Variants in SLC10A6 observed in about 807,000 individuals in gnomAD.
SLC10A6 encodes solute carrier family 10 member 6, also known as sodium-dependent organic anion transporter.
SLC10A6 carries 27 observed loss-of-function variants against 30.0 expected under a neutral mutation model. That is an observed-to-expected ratio of 0.90 (90% CI 0.66 to 1.24). The LOEUF (loss-of-function observed/expected upper bound fraction) is 1.24. SLC10A6 is among the 50% of genes most tolerant of loss of function. The probability of loss-of-function intolerance (pLI) is 0.00; values close to 1 mark genes in which losing one functional copy is unlikely to be tolerated. For synonymous variants in SLC10A6, 166 were observed against 173.8 expected (o/e 0.95, Z 0.36); for missense variants, 439 against 457.0 (o/e 0.96, Z 0.36).
chr4:86,833,468 A>G, intron 1 of SLC10A6, 44 bp from the exon 2 acceptor site: 4 of 1,468,388 alleles, frequency 2.7e-6, no homozygotes, highest in Non-Finnish European at 3.8e-6. Flanking sequence ...AGCATTGGAC[A>G]TGAAGAATTT....
intron 3 of SLC10A6, among the ~76,000 whole-genome samples, chr4:86,828,614 A>G (rs1483739437): frequency 1.3e-4 from 19 of 151,808 alleles, no homozygotes; most frequent in Non-Finnish European, 2.9e-5. Flanking sequence ...CGCCCCTTCA[A>G]CCACCAGCAG....
chr4:86,831,749 C>A, intron 3 of SLC10A6, 43 bp downstream of exon 3: 1 of 1,536,796 alleles, frequency 6.5e-7, no homozygotes, highest in East Asian at 2.3e-5. Flanking sequence ...TTTCAGGCCC[C>A]TGAGTCTGAG....
intron 1 of SLC10A6, among the ~76,000 whole-genome samples, chr4:86,838,940 T>C (rs982666901): frequency 6.8e-6 from 1 of 147,680 alleles, no homozygotes; most frequent in Non-Finnish European, 1.5e-5. Context: ...AAAAAAATTA[T>C]GCTCTTCCCA....
chr4:86,830,622 G>A (rs1746062128), intron 3 of SLC10A6, among the ~76,000 whole-genome samples: 1 of 152,142 alleles, frequency 6.6e-6, no homozygotes, highest in South Asian at 2.1e-4. Context: ...TGAAGGAATG[G>A]TGGGAATGGT....
intron 1 of SLC10A6, among the ~76,000 whole-genome samples, chr4:86,846,827 G>A (rs1341263375): frequency 1.3e-5 from 2 of 152,084 alleles, no homozygotes; most frequent in Non-Finnish European, 2.9e-5. Context: ...ACCCCATTTT[G>A]CCAATGATGA....
chr4:86,841,059 A>G (rs1314435294), intron 1 of SLC10A6, among the ~76,000 whole-genome samples: 1 of 152,210 alleles, frequency 6.6e-6, no homozygotes, highest in African/African-American at 2.4e-5. Flanking sequence ...ATAGTGCTAC[A>G]TTCCTTGACT....
rs745525320 is a variant in SLC10A6 at position 86,827,975 on chromosome 4, T to C, written c.761+18A>G. 6 of 1,606,830 alleles carry C rather than the reference T, an allele frequency of 3.7e-6. No homozygotes were observed. In the South Asian group the frequency reaches 6.7e-5, roughly 18 times the overall value. ...AATTTACCTTCCTCAAAAAAGTTTA[T>C]GGATAGTTTAACTATACCTTTGCCA... On this transcript the variant is annotated intron_variant, in intron 4 of 5. Coordinates refer to ENST00000273905, the MANE Select transcript of SLC10A6 (RefSeq NM_197965.3).
rs1031535649 is a variant in SLC10A6, at chr4:86,833,244, A to G, written c.496+62T>C. 1.3e-5 allele frequency: 17 copies of G among 1,276,838 alleles called. No individual in the cohort carries two copies. In the African/African-American group the frequency reaches 2.5e-4, roughly 19 times the overall value. The allele number at this position is 1,276,838 out of a possible 1,614,324, so 79.1% of individuals were successfully genotyped here. The stretch of plus-strand genomic sequence containing the variant: ...TGCATAAAGAGTTATATAATTAAGA[A>G]CAGCTATTATTAGTATCATCACCAT... On this transcript the variant is annotated intron_variant, in intron 2 of 5. Coordinates refer to ENST00000273905, the MANE Select transcript of SLC10A6 (RefSeq NM_197965.3).
chr4:86,831,061 C>A (rs1327714042), intron 3 of SLC10A6, among the ~76,000 whole-genome samples: 1 of 152,174 alleles, frequency 6.6e-6, no homozygotes, highest in African/African-American at 2.4e-5. Context: ...TAGCCTCAAC[C>A]TCCTGGCCTC....
intron 3 of SLC10A6, 140 bp from the exon 4 acceptor site, chr4:86,828,308 C>T (rs1357525214): frequency 8.9e-6 from 8 of 898,940 alleles, no homozygotes; most frequent in Non-Finnish European, 1.3e-5. Flanking sequence ...AATACAATTT[C>T]ATTTAGTAGA....
In SLC10A6 at chr4:86,849,285, T is replaced by A. The variant is rs1746445087; in HGVS notation, c.-170A>T. ...CTAATCTGATCAATTTTTTCACAAGTGGCATTATAAAAGTAATTATCACAG... is the reference window on the plus strand; with the variant it reads ...CTAATCTGATCAATTTTTTCACAAGAGGCATTATAAAAGTAATTATCACAG... On this transcript the variant is annotated 5_prime_UTR_variant, in exon 1 of 6. Transcript: ENST00000273905. The A allele has an allele frequency of 2.7e-6, 2 of 734,074 alleles. No individual in the cohort carries two copies. The highest frequency in any genetic ancestry group is 4.4e-6 in the Non-Finnish European group (2 of 456,304). 45.5% of individuals were successfully genotyped at this position (734,074 alleles called of 1,614,324 possible). A position where few individuals can be genotyped will look rare whatever the true frequency, so the allele number is the denominator to read the frequency against.
chr4:86,839,091 ATGAT>A (rs1746249041), intron 1 of SLC10A6, among the ~76,000 whole-genome samples: 1 of 151,820 alleles, frequency 6.6e-6, no homozygotes, highest in Non-Finnish European at 1.5e-5. Context: ...CATTTATTTC[ATGAT>A]TGTTTGTTAA....
intron 2 of SLC10A6, among the ~76,000 whole-genome samples, chr4:86,832,422 C>T (rs1415377129): frequency 2.6e-5 from 4 of 151,864 alleles, no homozygotes; most frequent in Non-Finnish European, 1.5e-5. Context: ...CTGGGCAACA[C>T]GGTGAAACCC....
chr4:86,825,491 A>T lies in SLC10A6; in HGVS notation c.848T>A (p.Leu283Ter). The T allele has an allele frequency of 6.2e-7, 1 of 1,613,256 alleles. No homozygotes were observed. The highest frequency in any genetic ancestry group is 8.5e-7 in the Non-Finnish European group (1 of 1,179,278). Residue 283 changes from leucine (L) to a stop codon, truncating the protein, a stop_gained, in exon 5 of 6, where the codon TTG (leucine) becomes TAG (stop). Transcript: ENST00000273905. LOFTEE classifies it high-confidence loss of function. ...MLQLSFTAEHLVQMLSFPLAY... is the reference protein window; with the variant it reads ...MLQLSFTAEH ...CAGTGGGAAACTCAACATCTGGACC[A>T]AGTGCTCAGCAGTGAAAGATAACTG...
In SLC10A6 at chr4:86,831,805, T is replaced by G; in HGVS notation, c.572A>C (p.Lys191Thr). 1 of 1,612,918 alleles carries G rather than the reference T, an allele frequency of 6.2e-7. No individual in the cohort carries two copies. Among genetic ancestry groups the G allele is most frequent in the Non-Finnish European group, 8.5e-7 (1 of 1,179,328 alleles). Residue 191 changes from lysine (K) to threonine (T), a missense_variant, in exon 3 of 6, where the codon AAA (lysine) becomes ACA (threonine). By Grantham distance (78) the Lys-to-Thr change is moderately conservative (BLOSUM62 -1). Transcript: ENST00000273905. The stretch of plus-strand genomic sequence containing the variant: ...GAAGTCACTCACCTTGAGAATGATT[T>G]TGGATTGTTTTGGCCATCTGTAATT... Reference protein sequence around the residue: ...YVNYRWPKQSKIILKIGAVVG... With the variant: ...YVNYRWPKQSTIILKIGAVVG...
At chr4:86,839,340 A>G (rs1746252885) in intron 1 of SLC10A6, among the ~76,000 whole-genome samples, 1 of 151,750 alleles carries the variant, frequency 6.6e-6, no homozygotes, top group African/African-American at 2.4e-5. Flanking sequence ...AGTCCCAGCT[A>G]CTCGGGAGGC....
intron 1 of SLC10A6, among the ~76,000 whole-genome samples, chr4:86,836,783 A>C (rs1746192355): frequency 6.6e-6 from 1 of 152,078 alleles, no homozygotes. Context: ...TTTGAAATGG[A>C]GTCCCACTCT....
rs1449417939 is a variant in SLC10A6 at position 86,828,057 on chromosome 4, A to G, written c.697T>C (p.Phe233Leu). 1.2e-6 allele frequency: 2 copies of G among 1,613,966 alleles called. No individual in the cohort carries two copies. Among genetic ancestry groups the G allele is most frequent in the South Asian group, 1.1e-5 (1 of 91,066 alleles). ...DITLLTISFI[F>L]PLIGHVTGFL... ...CCCGTGACATGGCCAATCAAAGGAA[A>G]GATGAAACTGATGGTCAGAAGGGTG... Residue 233 changes from phenylalanine (F) to leucine (L), a missense_variant, in exon 4 of 6, where the codon TTT becomes CTT. Physicochemically the swap from Phe to Leu is conservative, Grantham distance 22 (BLOSUM62 0). Transcript: ENST00000273905.
chr4:86,846,586 G>C (rs1362573650), intron 1 of SLC10A6, among the ~76,000 whole-genome samples: 1 of 152,080 alleles, frequency 6.6e-6, no homozygotes, highest in Non-Finnish European at 1.5e-5. Flanking sequence ...CAGGCACGGT[G>C]GTGGGTACGG....
Sources: gnomAD v4.1 joint callset for allele counts (sites outside exome capture counted in the v4.1 genomes callset) on GRCh38, gnomAD v4.1.1 for gene constraint, MANE v1.5 for transcripts, NCBI Gene and HGNC (gene_info 2026-07-23, HGNC 2026-07-21) for gene names.